Variants in EML6 observed in about 807,000 individuals in gnomAD.
The protein encoded by EML6 is echinoderm microtubule-associated protein-like 6.
EML6 carries 154 observed loss-of-function variants against 240.1 expected under a neutral mutation model. The ratio of observed to expected loss-of-function variants is 0.64; its 90% confidence interval spans 0.56 to 0.73. The LOEUF (loss-of-function observed/expected upper bound fraction) is 0.73, where lower values mean the gene tolerates loss of function less well. Ranked by LOEUF, EML6 falls within the 30% of genes least tolerant of loss-of-function variation. The probability of loss-of-function intolerance (pLI) is 0.00; values close to 1 mark genes in which losing one functional copy is unlikely to be tolerated. For synonymous variants in EML6, 1,148 were observed against 899.0 expected (o/e 1.28, Z -4.95); for missense variants, 2,964 against 2,474.6 (o/e 1.20, Z -4.20).
chr2:54,899,602 A>G (rs1289390584), intron 21 of EML6, 39 bp from the exon 22 acceptor site: 11 of 1,545,848 alleles, frequency 7.1e-6, no homozygotes, highest in Admixed American at 2.0e-5. Context: ...GCCAAACAGC[A>G]TAAGTAGAGT....
chr2:54,779,637 C>T (rs1324172421), intron 2 of EML6, among the ~76,000 whole-genome samples: 3 of 150,744 alleles, frequency 2.0e-5, no homozygotes, highest in Admixed American at 2.0e-4. Context: ...TGAGGCAGGT[C>T]GATCGCTTGA....
intron 28 of EML6, among the ~76,000 whole-genome samples, chr2:54,944,081 C>G (rs1042471510): frequency 2.6e-5 from 4 of 152,076 alleles, no homozygotes; most frequent in African/African-American, 9.7e-5. Context: ...AGGATTTTAC[C>G]TTTGGCTGGC....
intron 7 of EML6, among the ~76,000 whole-genome samples, chr2:54,843,101 G>C (rs867470959): frequency 6.6e-6 from 1 of 152,168 alleles, no homozygotes; most frequent in Admixed American, 6.5e-5. Context: ...CCTAAAGGTT[G>C]AACTGATTCT....
intron 7 of EML6, 51 bp downstream of exon 7, chr2:54,829,528 G>A: frequency 1.4e-6 from 2 of 1,439,042 alleles, no homozygotes; most frequent in South Asian, 2.5e-5. Context: ...AATATAATGT[G>A]AAGTTCTGTA....
chr2:54,847,275 G>T (rs1669815146), intron 8 of EML6, among the ~76,000 whole-genome samples: 1 of 151,894 alleles, frequency 6.6e-6, no homozygotes, highest in South Asian at 2.1e-4. Context: ...GATAATTCTT[G>T]CTGGTTTCCT....
intron 2 of EML6, among the ~76,000 whole-genome samples, chr2:54,790,555 A>G (rs1572900573): frequency 6.6e-6 from 1 of 152,134 alleles, no homozygotes; most frequent in Non-Finnish European, 1.5e-5. Context: ...TGTATCATTC[A>G]GATACCAGCA....
chr2:54,726,233 C>T (rs1326068723), intron 2 of EML6, among the ~76,000 whole-genome samples: 2 of 152,178 alleles, frequency 1.3e-5, no homozygotes, highest in African/African-American at 4.8e-5. Context: ...TGACAGAGAC[C>T]ATATTTATAC....
intron 38 of EML6, 137 bp downstream of exon 38, chr2:54,964,870 C>T (rs1573228760): frequency 1.4e-6 from 1 of 695,086 alleles, no homozygotes; most frequent in Admixed American, 3.4e-5. Context: ...TAAGTAGTTA[C>T]TTTTTCCATA....
intron 2 of EML6, among the ~76,000 whole-genome samples, chr2:54,767,733 G>A (rs1272114388): frequency 1.3e-5 from 2 of 151,522 alleles, no homozygotes; most frequent in African/African-American, 4.8e-5. Context: ...GGCTGGTGTC[G>A]AACTCCTGGC....
chr2:54,949,321 C>T (rs925421171), intron 29 of EML6, among the ~76,000 whole-genome samples: 1 of 152,234 alleles, frequency 6.6e-6, no homozygotes, highest in Non-Finnish European at 1.5e-5. Context: ...TATTCACCGT[C>T]TCTAATGTTG....
At chr2:54,730,714 G>A (rs1481215857) in intron 2 of EML6, among the ~76,000 whole-genome samples, 2 of 152,124 alleles carry the variant, frequency 1.3e-5, no homozygotes, top group Admixed American at 1.3e-4. Context: ...ATAAATGATT[G>A]CATTATTGCT....
chr2:54,927,045 G>A (rs1006255595), intron 26 of EML6, among the ~76,000 whole-genome samples: 1 of 152,168 alleles, frequency 6.6e-6, no homozygotes, highest in South Asian at 2.1e-4. Flanking sequence ...TGCTGTGACT[G>A]TCCTCTGTTT....
chr2:54,948,421 A>G (rs1469768175), intron 28 of EML6, among the ~76,000 whole-genome samples: 2 of 152,122 alleles, frequency 1.3e-5, no homozygotes, highest in African/African-American at 2.4e-5. Flanking sequence ...CCTGGCTTGT[A>G]AGTGCCACTT....
At chr2:54,952,800 G>A (rs1056075152) in intron 31 of EML6, 108 bp downstream of exon 31, 49 of 701,290 alleles carry the variant, frequency 7.0e-5, no homozygotes, top group Non-Finnish European at 1.1e-4. Context: ...ATCCCTTCTT[G>A]TTGATGTTGC....
At position 54,725,394 on chromosome 2, in the gene EML6, G is replaced by A. The variant is rs191918055; in HGVS notation, c.197+136G>A. 1.8e-4 allele frequency: 112 copies of A among 618,780 alleles called. 1 individual carries two copies. Among genetic ancestry groups the A allele is most frequent in the Admixed American group, 1.6e-3 (40 of 24,842 alleles). The allele number at this position is 618,780 out of a possible 1,614,324, so 38.3% of individuals were successfully genotyped here. A position where few individuals can be genotyped will look rare whatever the true frequency, so the allele number is the denominator to read the frequency against. On this transcript the variant is annotated intron_variant, in intron 2 of 41. Transcript: ENST00000356458. This position sits in a 1 kb window ranked among gnomAD's most constrained non-coding sequence, Gnocchi z 4.3. Reference sequence around the variant, plus strand: ...TCTGGAGCCGCATGGAATTACTGAAGGGCTGCTGATTCTAGGGCCAGGGCA... The same window carrying A: ...TCTGGAGCCGCATGGAATTACTGAAAGGCTGCTGATTCTAGGGCCAGGGCA...
intron 10 of EML6, among the ~76,000 whole-genome samples, chr2:54,853,090 T>C (rs986757848): frequency 2.6e-5 from 4 of 152,246 alleles, no homozygotes; most frequent in Non-Finnish European, 5.9e-5. Context: ...TTCATTAATC[T>C]ACTGAGCCTG....
chr2:54,895,154 T>C, intron 20 of EML6, 119 bp from the exon 21 acceptor site: 1 of 1,327,904 alleles, frequency 7.5e-7, no homozygotes, highest in Non-Finnish European at 1.0e-6. Context: ...TCTCTTCCTC[T>C]GGTAGAAATG....
At chr2:54,965,665 G>A (rs886801811) in intron 38 of EML6, among the ~76,000 whole-genome samples, 3 of 152,070 alleles carry the variant, frequency 2.0e-5, no homozygotes, top group African/African-American at 4.8e-5. Flanking sequence ...CCTGCACTAA[G>A]TCACTTCCTG....
chr2:54,969,315 T>TGAG (rs1676889171), intron 41 of EML6, among the ~76,000 whole-genome samples: 1 of 152,200 alleles, frequency 6.6e-6, no homozygotes, highest in South Asian at 2.1e-4. Flanking sequence ...GCAAAACTCC[T>TGAG]GAGGGGATAA....
Sources: allele counts gnomAD v4.1 joint callset (sites outside exome capture counted in the v4.1 genomes callset), GRCh38; gene constraint gnomAD v4.1.1; non-coding constraint Gnocchi (gnomAD v3.1); transcripts MANE v1.5; gene names NCBI Gene and HGNC (gene_info 2026-07-23, HGNC 2026-07-21).